SETBP1: variants seen among roughly 807,000 people sequenced by gnomAD.
The protein encoded by SETBP1 is SET-binding protein.
In SETBP1, 9 loss-of-function variants were observed where a neutral mutation model predicts 101.0. The observed-to-expected ratio is 0.09, with a 90% CI of 0.05 to 0.16. SETBP1 has a LOEUF of 0.16. Among genes scored for constraint, SETBP1 ranks in the 10% least tolerant of loss-of-function variants. The pLI, the probability that SETBP1 is intolerant of heterozygous loss-of-function variation, is 1.00. For synonymous variants in SETBP1, 818 were observed against 788.5 expected (o/e 1.04, Z -0.63); for missense variants, 1,858 against 2,033.8 (o/e 0.91, Z 1.66).
intron 2 of SETBP1, among the ~76,000 whole-genome samples, chr18:44,847,726 A>G (rs1253300898): frequency 1.3e-5 from 2 of 152,346 alleles, no homozygotes; most frequent in African/African-American, 4.8e-5. Context: ...GAAGGGAGAT[A>G]CACAATAATT....
At chr18:45,049,103 G>C (rs1296349461) in intron 5 of SETBP1, among the ~76,000 whole-genome samples, 2 of 150,820 alleles carry the variant, frequency 1.3e-5, no homozygotes, top group African/African-American at 4.9e-5. Flanking sequence ...TAAATGAATA[G>C]ATCGAATAAC....
chr18:44,977,556 T>C (rs1348189087), intron 4 of SETBP1, among the ~76,000 whole-genome samples: 1 of 152,274 alleles, frequency 6.6e-6, no homozygotes, highest in Non-Finnish European at 1.5e-5. Flanking sequence ...GTTGGTTTAA[T>C]TCAGAACTCA....
Position 44,883,124 on chromosome 18 carries a change from G to A in SETBP1, c.540+13841G>A, listed in dbSNP as rs530997738. On this transcript the variant is annotated intron_variant, in intron 3 of 5. Transcript: ENST00000649279. Reference sequence around the variant, plus strand: ...CTCATCCTGCCTTCTCATTAGCATGGAATGGAAAATATTCAGTGATTTATC... The same window carrying A: ...CTCATCCTGCCTTCTCATTAGCATGAAATGGAAAATATTCAGTGATTTATC... Among the ~76,000 whole-genome samples the A allele has an allele frequency of 2.6e-5, 4 of 152,280 alleles. No individual in the cohort carries two copies. The South Asian group carries it at 8.3e-4, about 32-fold the overall frequency.
intron 2 of SETBP1, among the ~76,000 whole-genome samples, chr18:44,752,717 G>A (rs1193185424): frequency 6.6e-6 from 1 of 152,132 alleles, no homozygotes; most frequent in Admixed American, 6.5e-5. Flanking sequence ...TACAAAGAAG[G>A]TTTGTAGGAA....
chr18:44,885,860 A>C (rs2069633482), intron 3 of SETBP1, among the ~76,000 whole-genome samples: 1 of 138,834 alleles, frequency 7.2e-6, no homozygotes, highest in Non-Finnish European at 1.5e-5. Context: ...AAAAAAACAA[A>C]AAAAAAAACA....
chr18:44,872,991 T>C (rs1410277160), intron 3 of SETBP1, among the ~76,000 whole-genome samples: 1 of 152,206 alleles, frequency 6.6e-6, no homozygotes, highest in Non-Finnish European at 1.5e-5. Flanking sequence ...GTGGGGCAAG[T>C]GTAATGGCCA....
intron 4 of SETBP1, among the ~76,000 whole-genome samples, chr18:45,032,621 A>G (rs2073319727): frequency 6.6e-6 from 1 of 152,202 alleles, no homozygotes; most frequent in African/African-American, 2.4e-5. Flanking sequence ...TGTTGTTCAC[A>G]GGTGCCTGGC....
chr18:44,953,696 C>G (rs2071419917), intron 4 of SETBP1, among the ~76,000 whole-genome samples: 1 of 152,122 alleles, frequency 6.6e-6, no homozygotes, highest in Non-Finnish European at 1.5e-5. Flanking sequence ...GCCTCTAAAA[C>G]TCATTAGGAA....
Position 44,916,063 on chromosome 18 carries a change from T to TA in SETBP1, c.541-33813dup, listed in dbSNP as rs993124510. On this transcript the variant is annotated intron_variant, in intron 3 of 5. Coordinates refer to ENST00000649279, the MANE Select transcript of SETBP1 (RefSeq NM_015559.3). ...CAACATGGTGAAAGCCCATCTCTAC[T>TA]AAAAATGCAAAAATTAGCCAGTCAT... is the stretch of plus-strand genomic sequence containing the variant. Among the ~76,000 whole-genome samples the TA allele has an allele frequency of 3.9e-4, 59 of 152,070 alleles. 1 individual carries two copies. Among genetic ancestry groups the TA allele is most frequent in the Non-Finnish European group, 5.9e-4 (40 of 67,976 alleles).
chr18:44,936,897 G>C (rs542588661), intron 3 of SETBP1, among the ~76,000 whole-genome samples: 11 of 152,306 alleles, frequency 7.2e-5, no homozygotes, highest in Non-Finnish European at 1.6e-4. Flanking sequence ...GTTGAAAGCA[G>C]AAAGTGGTGA....
chr18:44,882,502 T>C (rs76867784), intron 3 of SETBP1, among the ~76,000 whole-genome samples: 18,990 of 151,292 alleles, frequency 0.13, 1,394 homozygotes, highest in East Asian at 0.25. Context: ...AACCTTTGTG[T>C]CTTTTTTTTT....
chr18:44,720,968 G>T (rs998110030), intron 2 of SETBP1, among the ~76,000 whole-genome samples: 1 of 143,624 alleles, frequency 7.0e-6, no homozygotes, highest in Non-Finnish European at 1.5e-5. Context: ...GATGCTTTAG[G>T]ACATCATACT....
At chr18:45,054,162 C>T (rs2073768906) in intron 5 of SETBP1, among the ~76,000 whole-genome samples, 1 of 152,134 alleles carries the variant, frequency 6.6e-6, no homozygotes, top group Non-Finnish European at 1.5e-5. Flanking sequence ...TCCCAATTCA[C>T]TCCTTACCAA....
intron 3 of SETBP1, among the ~76,000 whole-genome samples, chr18:44,934,165 T>A (rs2070905044): frequency 6.6e-6 from 1 of 151,988 alleles, no homozygotes; most frequent in Admixed American, 6.6e-5. Context: ...TTTTTCTTTT[T>A]TTAGACTGAG....
intron 4 of SETBP1, among the ~76,000 whole-genome samples, chr18:44,983,586 C>T (rs1461039168): frequency 6.6e-6 from 1 of 152,170 alleles, no homozygotes; most frequent in Non-Finnish European, 1.5e-5. Context: ...TTTCAAGTCT[C>T]ATTTTCAGTC....
intron 2 of SETBP1, among the ~76,000 whole-genome samples, chr18:44,775,430 A>G (rs1254212749): frequency 6.6e-6 from 1 of 152,212 alleles, no homozygotes; most frequent in Admixed American, 6.5e-5. Context: ...TATGAAGTCT[A>G]GAATCTTTTC....
intron 5 of SETBP1, among the ~76,000 whole-genome samples, chr18:45,041,018 C>T (rs754035797): frequency 2.4e-4 from 37 of 152,226 alleles, no homozygotes; most frequent in East Asian, 1.2e-3. Flanking sequence ...GCTAGAAACA[C>T]ACAGGCTGGG....
chr18:44,877,097 T>C (rs1362512310), intron 3 of SETBP1: 1 of 1,019,286 alleles, frequency 9.8e-7, no homozygotes, highest in Admixed American at 5.5e-5. Context: ...GTATCAGCTA[T>C]GCCATGGATC....
At chr18:44,724,938 A>C (rs980853335) in intron 2 of SETBP1, among the ~76,000 whole-genome samples, 15 of 152,220 alleles carry the variant, frequency 9.9e-5, no homozygotes, top group African/African-American at 3.6e-4. Flanking sequence ...AAATTACTGC[A>C]AGAAGCCAAA....
Sources: gnomAD v4.1 joint callset for allele counts (sites outside exome capture counted in the v4.1 genomes callset) on GRCh38, gnomAD v4.1.1 for gene constraint, MANE v1.5 for transcripts, NCBI Gene and HGNC (gene_info 2026-07-23, HGNC 2026-07-21) for gene names.